Variants in LRRC7 observed in about 807,000 individuals in gnomAD.
LRRC7 encodes leucine rich repeat containing 7.
LRRC7 carries 23 observed loss-of-function variants against 175.7 expected under a neutral mutation model. That is an observed-to-expected ratio of 0.13 (90% CI 0.09 to 0.19). LRRC7 has a LOEUF of 0.19. Ranked by LOEUF, LRRC7 falls within the 10% of genes least tolerant of loss-of-function variation. The pLI is 1.00. For synonymous variants in LRRC7, 685 were observed against 680.9 expected (o/e 1.01, Z -0.09); for missense variants, 1,354 against 1,904.7 (o/e 0.71, Z 5.38).
At chr1:69,943,277 A>G (rs78492352) in intron 8 of LRRC7, among the ~76,000 whole-genome samples, 431 of 152,274 alleles carry the variant, frequency 2.8e-3, no homozygotes, top group African/African-American at 0.01. Flanking sequence ...CAACGAAAAA[A>G]AATGATTAAA....
intron 18 of LRRC7, among the ~76,000 whole-genome samples, chr1:70,029,708 T>G (rs1658506526): frequency 1.3e-5 from 2 of 152,192 alleles, no homozygotes; most frequent in South Asian, 4.1e-4. Flanking sequence ...TTAAATATCC[T>G]GTAATCACAG....
rs1048661647 is a variant in LRRC7 at position 70,125,616 on chromosome 1, C to A, written c.*3729C>A. On this transcript the variant is annotated 3_prime_UTR_variant, in exon 27 of 27. Transcript: ENST00000651989. ...GACCATCCCAGCTAAAACGGTGAAA[C>A]CCCGTCTCTACTAAAAATACAAAAA... Among the ~76,000 whole-genome samples, 19 of 151,470 alleles carry A rather than the reference C, an allele frequency of 1.3e-4. No individual in the cohort carries two copies. The highest frequency in any genetic ancestry group is 4.1e-4 in the African/African-American group (17 of 41,246).
chr1:69,976,334 T>C (rs1309882670), intron 8 of LRRC7, among the ~76,000 whole-genome samples: 1 of 152,238 alleles, frequency 6.6e-6, no homozygotes, highest in African/African-American at 2.4e-5. Flanking sequence ...GGGAGAAAGA[T>C]GCAGCCTGGG....
intron 10 of LRRC7, among the ~76,000 whole-genome samples, chr1:69,992,546 CCTAA>C (rs1654539399): frequency 6.6e-6 from 1 of 152,138 alleles, no homozygotes; most frequent in African/African-American, 2.4e-5. Flanking sequence ...AGGCTTGCAG[CCTAA>C]TTTCATCCCA....
intron 26 of LRRC7, among the ~76,000 whole-genome samples, chr1:70,112,413 C>T (rs1362552157): frequency 6.6e-6 from 1 of 151,968 alleles, no homozygotes; most frequent in Non-Finnish European, 1.5e-5. Flanking sequence ...ATTAGAAGCC[C>T]CTTAATAGGT....
chr1:70,011,337 T>C (rs1422592806), intron 11 of LRRC7, among the ~76,000 whole-genome samples: 3 of 152,050 alleles, frequency 2.0e-5, no homozygotes, highest in Admixed American at 2.0e-4. Context: ...ATTGGTGGTT[T>C]TTTTTTTCTT....
Position 70,129,401 on chromosome 1 carries a change from C to T in LRRC7, c.*7514C>T, listed in dbSNP as rs912038794. Among the ~76,000 whole-genome samples, 1 of 151,970 alleles carries T rather than the reference C, an allele frequency of 6.6e-6. No homozygotes were observed. Among genetic ancestry groups the T allele is most frequent in the Non-Finnish European group, 1.5e-5 (1 of 67,986 alleles). On this transcript the variant is annotated 3_prime_UTR_variant, in exon 27 of 27. Coordinates refer to ENST00000651989, the MANE Select transcript of LRRC7 (RefSeq NM_001370785.2). Reference sequence around the variant, plus strand: ...ATCTCTTGAATCTCTGGAAGAGGAGCGAGAATTTTGCCAATTTGTTCTAAA... The same window carrying T: ...ATCTCTTGAATCTCTGGAAGAGGAGTGAGAATTTTGCCAATTTGTTCTAAA...
intron 7 of LRRC7, among the ~76,000 whole-genome samples, chr1:69,920,506 A>G (rs1364106408): frequency 6.6e-6 from 1 of 152,180 alleles, no homozygotes. Flanking sequence ...CCTATTACTA[A>G]TAAAATATTC....
chr1:69,649,842 CAA>C (rs774462443), intron 1 of LRRC7, among the ~76,000 whole-genome samples: 1 of 142,142 alleles, frequency 7.0e-6, no homozygotes, highest in Non-Finnish European at 1.5e-5. Context: ...CTTAAAGAAT[CAA>C]AGTGATTGAA....
rs760887850 is a variant in LRRC7, at chr1:70,038,299, G to A, written c.2475G>A (p.Glu825=). 6.2e-7 allele frequency: 1 copy of A among 1,613,990 alleles called. No homozygotes were observed. Among genetic ancestry groups the A allele is most frequent in the African/African-American group, 1.3e-5 (1 of 74,918 alleles). Residue 825 remains glutamate (E), a synonymous_variant, in exon 21 of 27, where the codon GAG becomes GAA. Transcript: ENST00000651989. ...TTGTTGCTGAGGAAACCACAGCCGA[G>A]AATGCCAACAGTAATCCTCTCTTAA... ...TGFVAEETTA[E]NANSNPLLSS... is the part of the protein sequence containing the mutation.
chr1:69,707,400 G>T (rs1247650524), intron 2 of LRRC7, among the ~76,000 whole-genome samples: 6 of 152,086 alleles, frequency 3.9e-5, no homozygotes, highest in African/African-American at 1.2e-4. Context: ...GTCAGCATCT[G>T]CCCGCAGAAT....
At position 70,039,019 on chromosome 1, in the gene LRRC7, C is replaced by G. The variant is rs1659611874; in HGVS notation, c.3195C>G (p.Val1065=). 3 of 1,614,034 alleles carry G rather than the reference C, an allele frequency of 1.9e-6. No homozygotes were observed. The highest frequency in any genetic ancestry group is 8.5e-7 in the Non-Finnish European group (1 of 1,180,004). ...QQQKASMTKK[V]YQFDQSFNPQ... is the part of the protein sequence containing the mutation. ...AAAAAGCTTCTATGACAAAAAAAGT[C>G]TATCAGTTTGACCAAAGCTTCAATC... The change falls in exon 21 of 27, where the codon GTC becomes GTG. Residue 1065 remains valine (V), a synonymous_variant. Transcript: ENST00000651989.
At chr1:70,000,653 G>A (rs936690793) in intron 11 of LRRC7, among the ~76,000 whole-genome samples, 79 of 152,088 alleles carry the variant, frequency 5.2e-4, no homozygotes, top group African/African-American at 1.9e-3. Context: ...TTTCTTATTT[G>A]TTGTTACCTC....
At chr1:69,618,699 T>C (rs1243410856) in intron 1 of LRRC7, among the ~76,000 whole-genome samples, 1 of 152,132 alleles carries the variant, frequency 6.6e-6, no homozygotes, top group Non-Finnish European at 1.5e-5. Context: ...CAACTCTTTC[T>C]GGTAATATTC....
chr1:69,739,419 T>C (rs1668471645), intron 2 of LRRC7, among the ~76,000 whole-genome samples: 1 of 152,084 alleles, frequency 6.6e-6, no homozygotes, highest in Admixed American at 6.6e-5. Context: ...AGAAATTCTT[T>C]CTACCCACCA....
chr1:69,922,824 A>C (rs1480556081), intron 7 of LRRC7, among the ~76,000 whole-genome samples: 2 of 151,512 alleles, frequency 1.3e-5, no homozygotes. Flanking sequence ...TTTTATTATT[A>C]TTATACTTTA....
chr1:69,952,062 A>G (rs1373193790), intron 8 of LRRC7, among the ~76,000 whole-genome samples: 1 of 152,092 alleles, frequency 6.6e-6, no homozygotes, highest in East Asian at 1.9e-4. Context: ...ATGGATAAAA[A>G]CAGAAAATAA....
intron 1 of LRRC7, among the ~76,000 whole-genome samples, chr1:69,620,007 G>T (rs995987295): frequency 1.3e-5 from 2 of 152,124 alleles, no homozygotes; most frequent in African/African-American, 4.8e-5. Flanking sequence ...AAGAAACAAT[G>T]AACTTTTGTG....
At chr1:69,634,889 T>C (rs1199656906) in intron 1 of LRRC7, among the ~76,000 whole-genome samples, 10 of 151,992 alleles carry the variant, frequency 6.6e-5, no homozygotes, top group Admixed American at 6.6e-5. Context: ...GAGCGGAAAA[T>C]TGAGAAGTGA....
Sources: gnomAD v4.1 joint callset for allele counts (sites outside exome capture counted in the v4.1 genomes callset) on GRCh38, gnomAD v4.1.1 for gene constraint, MANE v1.5 for transcripts, NCBI Gene and HGNC (gene_info 2026-07-23, HGNC 2026-07-21) for gene names.